Variants in DIAPH3 observed in about 807,000 individuals in gnomAD.
DIAPH3 encodes the protein diaphanous related formin 3.
DIAPH3 carries 117 observed loss-of-function variants against 144.3 expected under a neutral mutation model. That is an observed-to-expected ratio of 0.81 (90% CI 0.70 to 0.95). The LOEUF (loss-of-function observed/expected upper bound fraction) is 0.95, where lower values mean the gene tolerates loss of function less well. DIAPH3 is among the 40% of genes least tolerant of loss of function. The pLI is 0.00. For synonymous variants in DIAPH3, 519 were observed against 488.9 expected (o/e 1.06, Z -0.81); for missense variants, 1,421 against 1,412.7 (o/e 1.01, Z -0.09).
At chr13:60,102,473 T>C (rs1402954671) in intron 3 of DIAPH3, among the ~76,000 whole-genome samples, 2 of 152,126 alleles carry the variant, frequency 1.3e-5, no homozygotes, top group East Asian at 3.9e-4. Context: ...AGTTCTCAAA[T>C]AGAATTTGCT....
At chr13:60,047,520 T>C (rs771582865) in intron 4 of DIAPH3, among the ~76,000 whole-genome samples, 18 of 152,166 alleles carry the variant, frequency 1.2e-4, no homozygotes, top group Non-Finnish European at 2.2e-4. Context: ...ATATAACTTA[T>C]ATCATCAATG....
chr13:60,116,976 A>C (rs2058719869), intron 2 of DIAPH3, among the ~76,000 whole-genome samples: 3 of 152,062 alleles, frequency 2.0e-5, no homozygotes, highest in Admixed American at 1.3e-4. Context: ...ATGTCTAAAA[A>C]ATAAAAGAAC....
At chr13:59,812,203 AAACAAAAAGC>A (rs1386746151) in intron 24 of DIAPH3, among the ~76,000 whole-genome samples, 1 of 152,120 alleles carries the variant, frequency 6.6e-6, no homozygotes, top group African/African-American at 2.4e-5. Flanking sequence ...CAACAAAAAG[AAACAAAAAGC>A]ACAGAGTAGA....
At chr13:59,955,410 C>G (rs992506534) in intron 17 of DIAPH3, among the ~76,000 whole-genome samples, 2 of 152,144 alleles carry the variant, frequency 1.3e-5, no homozygotes, top group Non-Finnish European at 2.9e-5. Context: ...GTAAGACGTG[C>G]CTTTACTCCT....
At chr13:60,070,389 T>C (rs1046575228) in intron 4 of DIAPH3, among the ~76,000 whole-genome samples, 8 of 151,932 alleles carry the variant, frequency 5.3e-5, no homozygotes, top group African/African-American at 1.7e-4. Flanking sequence ...TCTTACCAGA[T>C]CTATTATTTG....
At chr13:59,719,244 A>G (rs1228302031) in intron 27 of DIAPH3, among the ~76,000 whole-genome samples, 2 of 152,198 alleles carry the variant, frequency 1.3e-5, no homozygotes, top group African/African-American at 2.4e-5. Flanking sequence ...AGACAAACGT[A>G]TTTGTGTGAT....
rs1475727386 is a variant in DIAPH3 at position 59,850,220 on chromosome 13, C to T, written c.2738-10772G>A. 3.3e-4 allele frequency among the ~76,000 whole-genome samples: 50 copies of T among 152,118 alleles called. 1 individual carries two copies. In the East Asian group the frequency reaches 7.2e-3, roughly 22 times the overall value. ...CTTCTCAGCTTAAGGAGATTTTGGGCTGAGACGATGGGGTTTTCTAGATAA... is the reference window on the plus strand; with the variant it reads ...CTTCTCAGCTTAAGGAGATTTTGGGTTGAGACGATGGGGTTTTCTAGATAA... On this transcript the variant is annotated intron_variant, in intron 22 of 27. Transcript: ENST00000400324.
intron 17 of DIAPH3, among the ~76,000 whole-genome samples, chr13:59,952,207 A>G (rs577188889): frequency 6.6e-6 from 1 of 152,262 alleles, no homozygotes; most frequent in East Asian, 1.9e-4. Context: ...ATAAATTTAT[A>G]GGCAGAAAAC....
At chr13:59,797,663 T>C (rs756849847) in intron 25 of DIAPH3, among the ~76,000 whole-genome samples, 11 of 152,142 alleles carry the variant, frequency 7.2e-5, no homozygotes, top group Non-Finnish European at 1.2e-4. Context: ...AACTGAATGT[T>C]TGGGCTAGTT....
intron 17 of DIAPH3, among the ~76,000 whole-genome samples, chr13:59,939,840 G>A (rs1261627462): frequency 2.9e-5 from 1 of 35,040 alleles, no homozygotes; most frequent in Non-Finnish European, 7.6e-5. Context: ...TGAGGCGTGT[G>A]TGTGTGTGTG....
At chr13:59,712,545 C>T (rs1205030722) in intron 27 of DIAPH3, among the ~76,000 whole-genome samples, 1 of 152,156 alleles carries the variant, frequency 6.6e-6, no homozygotes, top group African/African-American at 2.4e-5. Context: ...TCGACTCGGG[C>T]CCCCTCAATC....
intron 20 of DIAPH3, among the ~76,000 whole-genome samples, chr13:59,911,047 C>G (rs1361660535): frequency 6.6e-6 from 1 of 151,766 alleles, no homozygotes; most frequent in Middle Eastern, 3.2e-3. Context: ...AATAAACAAT[C>G]TTATTAGAGA....
At chr13:60,163,472 C>T in intron 1 of DIAPH3, 115 bp downstream of exon 1, 1 of 1,403,924 alleles carries the variant, frequency 7.1e-7, no homozygotes, top group Non-Finnish European at 9.7e-7. Flanking sequence ...TGATCTTTGG[C>T]ACCTCTGGAT....
intron 9 of DIAPH3, among the ~76,000 whole-genome samples, chr13:60,007,657 T>C (rs558664547): frequency 6.6e-6 from 1 of 152,270 alleles, no homozygotes; most frequent in Non-Finnish European, 1.5e-5. Flanking sequence ...GAATCAGGTA[T>C]TAGTATTTTT....
intron 4 of DIAPH3, among the ~76,000 whole-genome samples, chr13:60,062,225 T>A (rs1203606059): frequency 6.6e-6 from 1 of 152,226 alleles, no homozygotes; most frequent in Non-Finnish European, 1.5e-5. Context: ...AAAATTTTTG[T>A]AATCCTTGAT....
At chr13:59,970,132 A>G in intron 16 of DIAPH3, 74 bp from the exon 17 acceptor site, 1 of 736,956 alleles carries the variant, frequency 1.4e-6, no homozygotes, top group East Asian at 2.9e-5. Flanking sequence ...CTATGCATAC[A>G]CTGAGTATCA....
intron 17 of DIAPH3, among the ~76,000 whole-genome samples, chr13:59,960,566 G>A (rs2049696188): frequency 6.6e-6 from 1 of 152,114 alleles, no homozygotes; most frequent in African/African-American, 2.4e-5. Flanking sequence ...ATCAAATAAA[G>A]GCTCTCTATG....
chr13:59,804,068 G>T (rs2040072935), intron 25 of DIAPH3, among the ~76,000 whole-genome samples: 2 of 152,162 alleles, frequency 1.3e-5, no homozygotes, highest in Admixed American at 1.3e-4. Flanking sequence ...GTCAAACAAT[G>T]AAAGTACTGA....
intron 1 of DIAPH3, among the ~76,000 whole-genome samples, chr13:60,140,584 A>G (rs1276666437): frequency 6.6e-6 from 1 of 152,144 alleles, no homozygotes; most frequent in African/African-American, 2.4e-5. Flanking sequence ...ATACATATAT[A>G]TGGAAAAAAT....
Sources: gnomAD v4.1 joint callset for allele counts (sites outside exome capture counted in the v4.1 genomes callset) on GRCh38, gnomAD v4.1.1 for gene constraint, MANE v1.5 for transcripts, NCBI Gene and HGNC (gene_info 2026-07-23, HGNC 2026-07-21) for gene names.